PLXNA4: variants seen among roughly 807,000 people sequenced by gnomAD.
PLXNA4 encodes the protein plexin-A4.
In PLXNA4, 44 loss-of-function variants were observed where a neutral mutation model predicts 191.8. The ratio of observed to expected loss-of-function variants is 0.23; its 90% confidence interval spans 0.18 to 0.29. PLXNA4 has a LOEUF of 0.29. PLXNA4 is among the 10% of genes least tolerant of loss of function. The pLI is 1.00. For synonymous variants in PLXNA4, 1,082 were observed against 1,009.5 expected (o/e 1.07, Z -1.36); for missense variants, 1,800 against 2,488.8 (o/e 0.72, Z 5.89).
chr7:132,298,353 A>C lies in PLXNA4; in HGVS notation c.1372-131T>G, dbSNP rs185460839. The stretch of plus-strand genomic sequence containing the variant: ...CTGTCTCCACAGTGCTCACAGGCTA[A>C]AGCCAAGGAGTGGAGTGACATAAGC... On this transcript the variant is annotated intron_variant, in intron 3 of 31. Coordinates refer to ENST00000321063, the MANE Select transcript of PLXNA4 (RefSeq NM_020911.2). 3.0e-4 allele frequency: 377 copies of C among 1,261,606 alleles called. 1 individual carries two copies. The highest frequency in any genetic ancestry group is 1.4e-3 in the Admixed American group (51 of 36,748). The allele number at this position is 1,261,606 out of a possible 1,614,324, so 78.2% of individuals were successfully genotyped here. A position where few individuals can be genotyped will look rare whatever the true frequency, so the allele number is the denominator to read the frequency against.
intron 2 of PLXNA4, among the ~76,000 whole-genome samples, chr7:132,598,352 G>A (rs1454149146): frequency 1.3e-5 from 2 of 152,002 alleles, no homozygotes; most frequent in Admixed American, 6.6e-5. Flanking sequence ...CTCATGATTC[G>A]CCAGCCTCGG....
chr7:132,518,858 C>T (rs1033471208), intron 1 of PLXNA4, among the ~76,000 whole-genome samples: 1 of 152,150 alleles, frequency 6.6e-6, no homozygotes, highest in Non-Finnish European at 1.5e-5. Context: ...TCCCCCAGGC[C>T]TCCTTGTCCT....
intron 1 of PLXNA4, among the ~76,000 whole-genome samples, chr7:132,544,423 T>C (rs1204355028): frequency 6.6e-6 from 1 of 152,192 alleles, no homozygotes; most frequent in African/African-American, 2.4e-5. Context: ...AATTCCCGTT[T>C]TGGGGAAGGA....
rs551368855 is a variant in PLXNA4, at chr7:132,148,060, G to A, written c.4765-61C>T. On this transcript the variant is annotated intron_variant, in intron 26 of 31. Transcript: ENST00000321063. ...CAGCTCTGCCACTCCAGGAAATAAG[G>A]ACAAATCATGATGAACTTGGCACTA... 97 of 1,612,354 alleles carry A rather than the reference G, an allele frequency of 6.0e-5. 1 individual carries two copies. In the South Asian group the frequency reaches 1.0e-3, roughly 17 times the overall value.
chr7:132,488,253 G>T (rs1040697997), intron 3 of PLXNA4, among the ~76,000 whole-genome samples: 4 of 152,222 alleles, frequency 2.6e-5, no homozygotes, highest in African/African-American at 7.2e-5. Context: ...CAACAGAAAT[G>T]ATTGCTGGGC....
intron 3 of PLXNA4, among the ~76,000 whole-genome samples, chr7:132,370,160 G>A (rs1804374926): frequency 6.6e-6 from 1 of 152,050 alleles, no homozygotes; most frequent in African/African-American, 2.4e-5. Context: ...TGCAGAAGAG[G>A]CAAGAGTCAA....
rs369913529 is a variant in PLXNA4 at position 132,150,392 on chromosome 7, G to T, written c.4661-1746C>A. 2.8e-3 allele frequency among the ~76,000 whole-genome samples: 421 copies of T among 152,354 alleles called. 5 individuals carry two copies. The highest frequency in any genetic ancestry group is 9.6e-3 in the African/African-American group (400 of 41,584). On this transcript the variant is annotated intron_variant, in intron 25 of 31. Coordinates refer to ENST00000321063, the MANE Select transcript of PLXNA4 (RefSeq NM_020911.2). ...GGCCAGACAGCTGATGTGCTGTGCA[G>T]TTGGATGCTGGTGGACACCAGTCTG... is the stretch of plus-strand genomic sequence containing the variant.
chr7:132,611,914 G>C (rs746159078), intron 2 of PLXNA4, among the ~76,000 whole-genome samples: 1 of 152,000 alleles, frequency 6.6e-6, no homozygotes, highest in African/African-American at 2.4e-5. Context: ...GAGTCCAGGG[G>C]CTCCATGAAA....
intron 5 of PLXNA4, among the ~76,000 whole-genome samples, chr7:132,234,890 G>A (rs535625998): frequency 3.3e-5 from 5 of 152,140 alleles, no homozygotes; most frequent in Non-Finnish European, 7.4e-5. Context: ...TAGGCCTTGT[G>A]CAAGCAGCCC....
chr7:132,588,485 C>T (rs956421446), intron 2 of PLXNA4, among the ~76,000 whole-genome samples: 10 of 151,992 alleles, frequency 6.6e-5, no homozygotes, highest in South Asian at 2.1e-4. Context: ...TCACTTTCTT[C>T]GCCAGAAAAT....
Position 132,257,508 on chromosome 7 carries a change from T to A in PLXNA4, c.1504-16342A>T, listed in dbSNP as rs149380868. On this transcript the variant is annotated intron_variant, in intron 4 of 31. Transcript: ENST00000321063. ...TGACTTCATGAGACTTTACCAATTA[T>A]GGAATTGTTTCACTGGATCCAGGGG... is the stretch of plus-strand genomic sequence containing the variant. Among the ~76,000 whole-genome samples, 434 of 152,326 alleles carry A rather than the reference T, an allele frequency of 2.8e-3. 2 individuals are homozygous for A. The Middle Eastern group carries it at 0.031, about 11-fold the overall frequency.
intron 25 of PLXNA4, among the ~76,000 whole-genome samples, chr7:132,152,020 G>T (rs1795661074): frequency 6.6e-6 from 1 of 152,156 alleles, no homozygotes; most frequent in African/African-American, 2.4e-5. Flanking sequence ...CTTCAGGCCA[G>T]TTATGGTCTC....
At position 132,286,860 on chromosome 7, in the gene PLXNA4, C is replaced by T. The variant is rs1176970617; in HGVS notation, c.1503+11231G>A. ...GACCACAGCCTCCTGGGCCCTCCAT[C>T]CCCTGGAAGGCAGTGCTCCTTACTA... On this transcript the variant is annotated intron_variant, in intron 4 of 31. Coordinates refer to ENST00000321063, the MANE Select transcript of PLXNA4 (RefSeq NM_020911.2). Among the ~76,000 whole-genome samples the T allele has an allele frequency of 2.0e-5, 3 of 152,334 alleles. No individual in the cohort carries two copies. In the East Asian group the frequency reaches 5.8e-4, roughly 29 times the overall value.
chr7:132,142,151 C>T (rs141186287), intron 29 of PLXNA4, among the ~76,000 whole-genome samples: 43 of 152,336 alleles, frequency 2.8e-4, no homozygotes, highest in African/African-American at 8.4e-4. Flanking sequence ...CTATTGTAAG[C>T]CTGTTGCTTA....
chr7:132,365,328 C>CGTGTGTGT lies in PLXNA4; in HGVS notation c.1372-67114_1372-67107dup, dbSNP rs3057957. 3.5e-3 allele frequency among the ~76,000 whole-genome samples: 498 copies of CGTGTGTGT among 143,050 alleles called. 3 individuals carry two copies. Among genetic ancestry groups the CGTGTGTGT allele is most frequent in the African/African-American group, 6.8e-3 (256 of 37,494 alleles). The allele number at this position is 143,050 out of a possible 152,430, so 93.8% of individuals were successfully genotyped here. On this transcript the variant is annotated intron_variant, in intron 3 of 31. Transcript: ENST00000321063. Reference sequence around the variant, plus strand: ...CTCCCCCGGTCTTTCCTACGGCCCGCGTGTGTGTGTGTGTGTGTGTGTGTG... The same window carrying CGTGTGTGT: ...CTCCCCCGGTCTTTCCTACGGCCCGCGTGTGTGTGTGTGTGTGTGTGTGTGTGTGTGTG...
In PLXNA4 at chr7:132,292,438, G is replaced by A. The variant is rs138122325; in HGVS notation, c.1503+5653C>T. ...GGTAACACCCTAGATAGAGCTTGCCGGGTTGCTGACGAATCAAAGTTATCT... is the reference window on the plus strand; with the variant it reads ...GGTAACACCCTAGATAGAGCTTGCCAGGTTGCTGACGAATCAAAGTTATCT... On this transcript the variant is annotated intron_variant, in intron 4 of 31. Transcript: ENST00000321063. Among the ~76,000 whole-genome samples the A allele has an allele frequency of 4.6e-5, 7 of 152,282 alleles. No individual in the cohort carries two copies. In the East Asian group the frequency reaches 1.4e-3, roughly 29 times the overall value.
At chr7:132,237,842 G>A (rs1011174662) in intron 5 of PLXNA4, among the ~76,000 whole-genome samples, 2 of 152,164 alleles carry the variant, frequency 1.3e-5, no homozygotes, top group African/African-American at 4.8e-5. Context: ...AACTGCTAAC[G>A]TTTATTTGTG....
At chr7:132,318,724 G>A (rs568343945) in intron 3 of PLXNA4, among the ~76,000 whole-genome samples, 1 of 148,762 alleles carries the variant, frequency 6.7e-6, no homozygotes, top group Admixed American at 6.8e-5. Context: ...GTCCCCTGAA[G>A]GGAGAAATCG....
rs1585020945 is a variant in PLXNA4 at position 132,348,905 on chromosome 7, G to A, written c.1372-50683C>T. Among the ~76,000 whole-genome samples, 4 of 152,072 alleles carry A rather than the reference G, an allele frequency of 2.6e-5. No homozygotes were observed. The East Asian group carries it at 7.7e-4, about 29-fold the overall frequency. On this transcript the variant is annotated intron_variant, in intron 3 of 31. Coordinates refer to ENST00000321063, the MANE Select transcript of PLXNA4 (RefSeq NM_020911.2). ...GAAAGGTGGAAAAAATTTTTTTTGAGGAAACTACCACCATCCCCACTGCAC... is the reference window on the plus strand; with the variant it reads ...GAAAGGTGGAAAAAATTTTTTTTGAAGAAACTACCACCATCCCCACTGCAC...
Sources: gnomAD v4.1 joint callset for allele counts (sites outside exome capture counted in the v4.1 genomes callset) on GRCh38, gnomAD v4.1.1 for gene constraint, MANE v1.5 for transcripts, NCBI Gene and HGNC (gene_info 2026-07-23, HGNC 2026-07-21) for gene names.